The following PACRG variants were observed in gnomAD, a reference collection of about 807,000 sequenced individuals.
PACRG encodes the protein parkin coregulated gene protein.
A neutral mutation model predicts 29.7 loss-of-function variants in PACRG; 29 were observed. That is an observed-to-expected ratio of 0.98 (90% CI 0.73 to 1.33). PACRG has a LOEUF of 1.33. PACRG is among the 40% of genes most tolerant of loss of function. The pLI, the probability that PACRG is intolerant of heterozygous loss-of-function variation, is 0.00. For synonymous variants in PACRG, 116 were observed against 118.7 expected, an observed-to-expected ratio of 0.98 and a Z score of 0.15; for missense variants, 279 against 316.2, an observed-to-expected ratio of 0.88 and a Z score of 0.89.
Position 163,103,536 on chromosome 6 carries a change from G to T in PACRG, c.613+14128G>T, listed in dbSNP as rs535183467. Among the ~76,000 whole-genome samples, 260 of 152,236 alleles carry T rather than the reference G, an allele frequency of 1.7e-3. 1 individual carries two copies. Among genetic ancestry groups the T allele is most frequent in the African/African-American group, 6.0e-3 (251 of 41,516 alleles). On this transcript the variant is annotated intron_variant, in intron 4 of 4. Coordinates refer to ENST00000366888, the MANE Select transcript of PACRG (RefSeq NM_001080379.2). Reference sequence around the variant, plus strand: ...TGTTCCACTTTTTTTTTGTTACAAGGCATGGAACTATGTGGAATAATCCCT... The same window carrying T: ...TGTTCCACTTTTTTTTTGTTACAAGTCATGGAACTATGTGGAATAATCCCT...
At chr6:163,095,251 C>G (rs747792255) in intron 4 of PACRG, 69 of 984,928 alleles carry the variant, frequency 7.0e-5, no homozygotes, top group Non-Finnish European at 8.3e-5. Flanking sequence ...CTATTTTCAA[C>G]CCAAATCCAC....
At chr6:163,078,963 G>T (rs1288297900) in intron 3 of PACRG, among the ~76,000 whole-genome samples, 1 of 151,822 alleles carries the variant, frequency 6.6e-6, no homozygotes, top group Admixed American at 6.6e-5. Context: ...AGTATCCCAT[G>T]CCTGTGGGTA....
At chr6:163,174,662 G>A (rs1455550216) in intron 4 of PACRG, among the ~76,000 whole-genome samples, 1 of 152,158 alleles carries the variant, frequency 6.6e-6, no homozygotes, top group African/African-American at 2.4e-5. Context: ...AATCATCATT[G>A]TTGGGAAACT....
At chr6:163,206,873 A>G (rs1220793759) in intron 4 of PACRG, among the ~76,000 whole-genome samples, 1 of 150,050 alleles carries the variant, frequency 6.7e-6, no homozygotes, top group Non-Finnish European at 1.5e-5. Flanking sequence ...TTAACACTCA[A>G]CTCAGGAAGG....
At chr6:162,947,754 TA>T in intron 2 of PACRG, among the ~76,000 whole-genome samples, 1 of 146,482 alleles carries the variant, frequency 6.8e-6, no homozygotes, top group East Asian at 2.0e-4. Context: ...CATTCACCAA[TA>T]ATAAACTAAC....
intron 2 of PACRG, among the ~76,000 whole-genome samples, chr6:162,947,510 C>CA (rs1554313170): frequency 9.5e-6 from 1 of 105,692 alleles, no homozygotes; most frequent in African/African-American, 3.7e-5. Flanking sequence ...TATATATAAT[C>CA]TATATATATA....
rs7767242 is a variant in PACRG, at chr6:163,158,268, G to A, written c.613+68860G>A. Among the ~76,000 whole-genome samples, 843 of 152,298 alleles carry A rather than the reference G, an allele frequency of 5.5e-3. 7 individuals are homozygous for A. Among genetic ancestry groups the A allele is most frequent in the African/African-American group, 0.019 (808 of 41,576 alleles). On this transcript the variant is annotated intron_variant, in intron 4 of 4. Coordinates refer to ENST00000366888, the MANE Select transcript of PACRG (RefSeq NM_001080379.2). ...TGTGGGCCGAGAAAGATATTGAGATGGGCATGAGTGGAGAATTATAGTAAA... is the reference window on the plus strand; with the variant it reads ...TGTGGGCCGAGAAAGATATTGAGATAGGCATGAGTGGAGAATTATAGTAAA...
chr6:162,912,094 T>C (rs1796340540), intron 2 of PACRG, among the ~76,000 whole-genome samples: 2 of 152,178 alleles, frequency 1.3e-5, no homozygotes, highest in African/African-American at 4.8e-5. Flanking sequence ...GCACAGAGGA[T>C]CTGGAAAGGA....
At chr6:162,994,183 T>C (rs1803732939) in intron 2 of PACRG, among the ~76,000 whole-genome samples, 1 of 130,010 alleles carries the variant, frequency 7.7e-6, no homozygotes, top group Non-Finnish European at 1.6e-5. Context: ...CATTTTTTCC[T>C]TCATTTCAAC....
chr6:162,935,798 T>C (rs1263689558), intron 2 of PACRG, among the ~76,000 whole-genome samples: 1 of 152,178 alleles, frequency 6.6e-6, no homozygotes, highest in Non-Finnish European at 1.5e-5. Context: ...AAATTAGAGA[T>C]CATTGAAAAT....
chr6:163,194,644 A>G (rs765952895), intron 4 of PACRG, among the ~76,000 whole-genome samples: 31 of 152,158 alleles, frequency 2.0e-4, no homozygotes, highest in Non-Finnish European at 3.5e-4. Flanking sequence ...GCATACCTAC[A>G]CTGAAGAGGA....
At chr6:162,900,105 G>T (rs1795453041) in intron 2 of PACRG, among the ~76,000 whole-genome samples, 1 of 152,022 alleles carries the variant, frequency 6.6e-6, no homozygotes, top group African/African-American at 2.4e-5. Context: ...TGATGCTCTG[G>T]TATCAGAGCA....
intron 4 of PACRG, among the ~76,000 whole-genome samples, chr6:163,306,296 G>A (rs775135521): frequency 2.0e-5 from 3 of 152,096 alleles, no homozygotes; most frequent in South Asian, 2.1e-4. Context: ...TCTGTTCCCC[G>A]AATCATGTTG....
intron 4 of PACRG, among the ~76,000 whole-genome samples, chr6:163,204,574 C>T (rs945676505): frequency 6.6e-6 from 1 of 152,052 alleles, no homozygotes; most frequent in African/African-American, 2.4e-5. Context: ...GATCTAGAAA[C>T]GAGGAGAGGT....
At chr6:162,846,978 T>C (rs1375102624) in intron 2 of PACRG, among the ~76,000 whole-genome samples, 4 of 148,282 alleles carry the variant, frequency 2.7e-5, no homozygotes, top group Non-Finnish European at 4.5e-5. Context: ...ACTGCCATGC[T>C]CCCCACACTG....
chr6:163,020,889 A>C (rs1806547422), intron 2 of PACRG, among the ~76,000 whole-genome samples: 1 of 152,096 alleles, frequency 6.6e-6, no homozygotes, highest in Non-Finnish European at 1.5e-5. Flanking sequence ...AAATGTCTAC[A>C]ATTAACTCTT....
chr6:163,166,248 T>C (rs964750749), intron 4 of PACRG: 10 of 452,956 alleles, frequency 2.2e-5, no homozygotes, highest in Admixed American at 2.1e-4. Flanking sequence ...GACTGTTTTG[T>C]TTGTTCCATT....
intron 1 of PACRG, among the ~76,000 whole-genome samples, chr6:162,793,861 G>A (rs1317541594): frequency 6.6e-6 from 1 of 152,130 alleles, no homozygotes; most frequent in Non-Finnish European, 1.5e-5. Flanking sequence ...TCTGAGGAGG[G>A]AAAGGATCAG....
chr6:163,119,569 C>G (rs541263037), intron 4 of PACRG, among the ~76,000 whole-genome samples: 1 of 152,136 alleles, frequency 6.6e-6, no homozygotes, highest in Non-Finnish European at 1.5e-5. Context: ...ACACCCATCT[C>G]GGGATGATGG....
Sources: gnomAD v4.1 joint callset for allele counts (sites outside exome capture counted in the v4.1 genomes callset) on GRCh38, gnomAD v4.1.1 for gene constraint, MANE v1.5 for transcripts, NCBI Gene and HGNC (gene_info 2026-07-23, HGNC 2026-07-21) for gene names.